CDH12: variants seen among roughly 807,000 people sequenced by gnomAD.
CDH12 encodes cadherin 12, also known as cadherin-12.
CDH12 carries 41 observed loss-of-function variants against 74.1 expected under a neutral mutation model. The ratio of observed to expected loss-of-function variants is 0.55; its 90% CI spans 0.43 to 0.72. CDH12 has a LOEUF of 0.72. Ranked by LOEUF, CDH12 falls within the 30% of genes least tolerant of loss-of-function variation. The pLI is 0.00. For missense variants in CDH12, 945 were observed against 977.2 expected, an observed-to-expected ratio of 0.97 and a Z score of 0.44; for synonymous variants, 399 against 355.0, an observed-to-expected ratio of 1.12 and a Z score of -1.39.
At chr5:21,902,229 T>C (rs1753422288) in intron 6 of CDH12, among the ~76,000 whole-genome samples, 1 of 151,284 alleles carries the variant, frequency 6.6e-6, no homozygotes, top group African/African-American at 2.4e-5. Flanking sequence ...CAAATTGAGG[T>C]GCTCTCTCTC....
intron 6 of CDH12, among the ~76,000 whole-genome samples, chr5:21,935,028 C>T (rs1051935635): frequency 2.0e-5 from 3 of 152,104 alleles, no homozygotes; most frequent in Admixed American, 6.6e-5. Flanking sequence ...CTTCGTGATC[C>T]GCCCACCTCG....
chr5:22,226,263 G>T (rs1261677962), intron 3 of CDH12, among the ~76,000 whole-genome samples: 4 of 151,798 alleles, frequency 2.6e-5, no homozygotes, highest in Non-Finnish European at 5.9e-5. Flanking sequence ...TGACAGCAAA[G>T]GAATTTTTGC....
In CDH12 at chr5:22,718,449, G is replaced by A. The variant is rs563399246; in HGVS notation, c.-523+134609C>T. On this transcript the variant is annotated intron_variant, in intron 1 of 14. Coordinates refer to ENST00000382254, the MANE Select transcript of CDH12 (RefSeq NM_004061.5). Reference sequence around the variant, plus strand: ...CGTTGTTTCCATGTCACTGAGCTTTGGCTTAAGGAATAACGGTTGATGAAA... The same window carrying A: ...CGTTGTTTCCATGTCACTGAGCTTTAGCTTAAGGAATAACGGTTGATGAAA... Among the ~76,000 whole-genome samples the A allele has an allele frequency of 9.9e-5, 15 of 152,262 alleles. No homozygotes were observed. The South Asian group carries it at 2.9e-3, about 29-fold the overall frequency.
chr5:21,972,388 A>G (rs1016408628), intron 6 of CDH12, among the ~76,000 whole-genome samples: 2 of 152,192 alleles, frequency 1.3e-5, no homozygotes, highest in African/African-American at 4.8e-5. Context: ...CTGTCAATAT[A>G]CCATACAAAG....
At chr5:22,190,410 T>C (rs1277605353) in intron 4 of CDH12, among the ~76,000 whole-genome samples, 1 of 151,946 alleles carries the variant, frequency 6.6e-6, no homozygotes, top group Non-Finnish European at 1.5e-5. Flanking sequence ...CTATCCTCTA[T>C]CCATCTTTTT....
intron 6 of CDH12, among the ~76,000 whole-genome samples, chr5:21,893,386 T>C (rs1204338364): frequency 6.6e-6 from 1 of 152,102 alleles, no homozygotes; most frequent in Non-Finnish European, 1.5e-5. Flanking sequence ...AAAGGCATAA[T>C]GAGTTCAGAA....
intron 8 of CDH12, among the ~76,000 whole-genome samples, chr5:21,825,591 G>A (rs1240085317): frequency 6.6e-6 from 1 of 152,026 alleles, no homozygotes; most frequent in Non-Finnish European, 1.5e-5. Flanking sequence ...TTTTCCAAGA[G>A]AAACACTGTT....
At chr5:22,573,492 CA>C (rs1355374361) in intron 1 of CDH12, among the ~76,000 whole-genome samples, 4 of 152,082 alleles carry the variant, frequency 2.6e-5, no homozygotes, top group Admixed American at 2.6e-4. Context: ...AGCACACACA[CA>C]AAAAATAATA....
chr5:22,547,732 C>G (rs181383992), intron 1 of CDH12, among the ~76,000 whole-genome samples: 1 of 152,010 alleles, frequency 6.6e-6, no homozygotes, highest in African/African-American at 2.4e-5. Flanking sequence ...TAATTAACAT[C>G]AATTATAGCT....
chr5:22,547,540 T>C (rs1050936582), intron 1 of CDH12, among the ~76,000 whole-genome samples: 14 of 152,196 alleles, frequency 9.2e-5, no homozygotes, highest in African/African-American at 3.4e-4. Context: ...TCTTAGTAAA[T>C]AGTGCTTCTT....
At chr5:22,307,187 C>A (rs1489456321) in intron 3 of CDH12, among the ~76,000 whole-genome samples, 1 of 152,162 alleles carries the variant, frequency 6.6e-6, no homozygotes, top group East Asian at 1.9e-4. Context: ...CTCTACCCCA[C>A]TTTGACTGCT....
intron 4 of CDH12, among the ~76,000 whole-genome samples, chr5:22,173,918 G>A (rs1749188369): frequency 6.6e-6 from 1 of 151,946 alleles, no homozygotes; most frequent in African/African-American, 2.4e-5. Flanking sequence ...CAAGTGGAAT[G>A]GAGATAGTAT....
At chr5:22,472,502 T>C (rs1580684835) in intron 2 of CDH12, among the ~76,000 whole-genome samples, 2 of 152,254 alleles carry the variant, frequency 1.3e-5, no homozygotes, top group East Asian at 3.9e-4. Flanking sequence ...GACATGGATA[T>C]CCAAATGGTT....
intron 2 of CDH12, among the ~76,000 whole-genome samples, chr5:22,484,851 T>C (rs1746524096): frequency 6.6e-6 from 1 of 152,112 alleles, no homozygotes; most frequent in Non-Finnish European, 1.5e-5. Context: ...AATAACAGGA[T>C]TACATAATAA....
In CDH12 at chr5:22,171,075, A is replaced by G. The variant is rs186788929; in HGVS notation, c.-187+41423T>C. On this transcript the variant is annotated intron_variant, in intron 4 of 14. Transcript: ENST00000382254. Reference sequence around the variant, plus strand: ...AGATATGCTTCCATGTTATTTGGAAAGAAACAATCCAAGAATATCTAGTCC... The same window carrying G: ...AGATATGCTTCCATGTTATTTGGAAGGAAACAATCCAAGAATATCTAGTCC... Among the ~76,000 whole-genome samples the G allele has an allele frequency of 5.7e-3, 859 of 152,016 alleles. 2 individuals are homozygous for G. Among genetic ancestry groups the G allele is most frequent in the Non-Finnish European group, 9.2e-3 (625 of 67,844 alleles).
intron 2 of CDH12, among the ~76,000 whole-genome samples, chr5:22,474,468 G>A (rs1234325324): frequency 1.3e-5 from 2 of 152,016 alleles, no homozygotes; most frequent in East Asian, 1.9e-4. Flanking sequence ...ATAACTGAGT[G>A]GTCAAATAGA....
At chr5:22,403,653 C>T (rs563786338) in intron 3 of CDH12, among the ~76,000 whole-genome samples, 4 of 152,100 alleles carry the variant, frequency 2.6e-5, no homozygotes, top group Non-Finnish European at 4.4e-5. Context: ...AATGGTACTA[C>T]CTTAATAGAA....
At chr5:22,166,162 CT>C (rs1351101712) in intron 4 of CDH12, among the ~76,000 whole-genome samples, 2 of 152,078 alleles carry the variant, frequency 1.3e-5, no homozygotes, top group East Asian at 1.9e-4. Context: ...TCAATTATCA[CT>C]TTTTTTAAAA....
intron 1 of CDH12, among the ~76,000 whole-genome samples, chr5:22,764,781 C>T (rs1746413137): frequency 6.6e-6 from 1 of 151,966 alleles, no homozygotes; most frequent in African/African-American, 2.4e-5. Context: ...TCATGAGAAA[C>T]TGAGAATCTC....
Sources: gnomAD v4.1 joint callset for allele counts (sites outside exome capture counted in the v4.1 genomes callset) on GRCh38, gnomAD v4.1.1 for gene constraint, MANE v1.5 for transcripts, NCBI Gene and HGNC (gene_info 2026-07-23, HGNC 2026-07-21) for gene names.